The following KLHL8 variants were observed in gnomAD, a reference collection of about 807,000 sequenced individuals.
KLHL8 encodes kelch like family member 8, also known as kelch-like protein 8.
In KLHL8, 38 loss-of-function variants were observed where a neutral mutation model predicts 63.5. The observed-to-expected ratio is 0.60, with a 90% CI of 0.46 to 0.78. KLHL8 has a LOEUF of 0.78. Among genes scored for constraint, KLHL8 ranks in the 30% least tolerant of loss-of-function variants. The pLI is 0.00. For synonymous variants in KLHL8, 224 were observed against 254.3 expected (o/e 0.88, Z 1.13); for missense variants, 566 against 752.4 (o/e 0.75, Z 2.90).
At position 87,170,086 on chromosome 4, in the gene KLHL8, G is replaced by A. The variant is rs749324440; in HGVS notation, c.1530C>T (p.Tyr510=). The change falls in exon 8 of 10, where the codon TAC becomes TAT. Residue 510 remains tyrosine, a synonymous_variant. Transcript: ENST00000273963. ...NGVSKLHGCL[Y]VVGGFDDNSP... ...AAATACCCATTTACTCACCAACTAC[G>A]TATAAGCAACCATGAAGCTTGCTAA... 3.1e-6 allele frequency: 5 copies of A among 1,613,278 alleles called. No homozygotes were observed. The highest frequency in any genetic ancestry group is 1.7e-4 in the Middle Eastern group (1 of 6,058).
At chr4:87,216,354 T>C (rs1732595358) in intron 1 of KLHL8, among the ~76,000 whole-genome samples, 1 of 152,192 alleles carries the variant, frequency 6.6e-6, no homozygotes. Flanking sequence ...TATAACCTGT[T>C]TCTCTTTCCT....
chr4:87,187,534 C>T (rs1377813947), intron 2 of KLHL8, among the ~76,000 whole-genome samples: 1 of 151,162 alleles, frequency 6.6e-6, no homozygotes, highest in Non-Finnish European at 1.5e-5. Context: ...ATATATATTT[C>T]AAACTTCTCT....
At chr4:87,209,859 T>TG (rs1732323488) in intron 1 of KLHL8, among the ~76,000 whole-genome samples, 1 of 149,504 alleles carries the variant, frequency 6.7e-6, no homozygotes, top group Non-Finnish European at 1.5e-5. Context: ...TTTTTTTTTT[T>TG]TTTTTTTTTT....
intron 6 of KLHL8, among the ~76,000 whole-genome samples, chr4:87,174,323 G>C (rs1437127501): frequency 6.6e-6 from 1 of 150,842 alleles, no homozygotes; most frequent in East Asian, 1.9e-4. Flanking sequence ...TTGTCATCCA[G>C]ACTGGAGTGC....
chr4:87,232,291 A>T (rs921511322), intron 1 of KLHL8, among the ~76,000 whole-genome samples: 2 of 152,226 alleles, frequency 1.3e-5, no homozygotes, highest in Non-Finnish European at 2.9e-5. Context: ...TACTGTATGT[A>T]TCTTTCTCCA....
intron 8 of KLHL8, among the ~76,000 whole-genome samples, chr4:87,169,707 G>GA (rs1351711143): frequency 1.3e-5 from 2 of 151,816 alleles, no homozygotes; most frequent in Non-Finnish European, 2.9e-5. Context: ...ACAAAAAACA[G>GA]AAAAAAACTG....
intron 1 of KLHL8, among the ~76,000 whole-genome samples, chr4:87,215,602 T>C (rs1369915500): frequency 6.6e-6 from 1 of 152,220 alleles, no homozygotes; most frequent in Non-Finnish European, 1.5e-5. Flanking sequence ...GGAATGCTAC[T>C]AGTAACTGAT....
chr4:87,236,747 C>T (rs1733238585), intron 1 of KLHL8, among the ~76,000 whole-genome samples: 2 of 142,138 alleles, frequency 1.4e-5, no homozygotes, highest in Non-Finnish European at 3.0e-5. Flanking sequence ...TCACTGCAAA[C>T]TCTACCTCCC....
intron 8 of KLHL8, chr4:87,167,153 T>C: frequency 2.0e-6 from 1 of 501,632 alleles, no homozygotes; most frequent in Non-Finnish European, 3.8e-6. Flanking sequence ...TAAAAGGATT[T>C]GTCGCAGAAG....
chr4:87,217,689 T>C (rs575951581), intron 1 of KLHL8, among the ~76,000 whole-genome samples: 3 of 150,868 alleles, frequency 2.0e-5, no homozygotes, highest in Admixed American at 2.0e-4. Flanking sequence ...AGGTCTCACT[T>C]TGTTGCCCAG....
At chr4:87,234,678 A>G (rs769041693) in intron 1 of KLHL8, among the ~76,000 whole-genome samples, 1 of 152,172 alleles carries the variant, frequency 6.6e-6, no homozygotes, top group East Asian at 1.9e-4. Flanking sequence ...TTTTATTGCT[A>G]TTTTAGAGTA....
intron 1 of KLHL8, among the ~76,000 whole-genome samples, chr4:87,229,439 G>T (rs201240841): frequency 2.1e-4 from 3 of 14,216 alleles, no homozygotes; most frequent in Non-Finnish European, 3.5e-4. Context: ...TTTTTTTGGT[G>T]GGGGGGGGTG....
intron 3 of KLHL8, among the ~76,000 whole-genome samples, chr4:87,184,566 T>A (rs1244364130): frequency 6.6e-6 from 1 of 152,008 alleles, no homozygotes; most frequent in Non-Finnish European, 1.5e-5. Flanking sequence ...AACACTCTTC[T>A]TTTAAGTAGC....
chr4:87,222,852 G>A (rs1305713021), upstream of KLHL8, among the ~76,000 whole-genome samples: 1 of 152,178 alleles, frequency 6.6e-6, no homozygotes, highest in Non-Finnish European at 1.5e-5. Flanking sequence ...CCAAAGTGCT[G>A]GGATTACAGG....
intron 3 of KLHL8, among the ~76,000 whole-genome samples, 198 bp downstream of exon 3, chr4:87,185,053 G>A (rs1265792946): frequency 1.3e-5 from 2 of 152,198 alleles, no homozygotes; most frequent in Non-Finnish European, 2.9e-5. Flanking sequence ...TAATTCAAAT[G>A]TGACAAATTT....
intron 2 of KLHL8, among the ~76,000 whole-genome samples, chr4:87,186,356 A>G (rs1412217617): frequency 1.3e-5 from 2 of 151,784 alleles, no homozygotes; most frequent in Non-Finnish European, 2.9e-5. Flanking sequence ...CCTCTTTTAT[A>G]TATGTATCTG....
intron 1 of KLHL8, among the ~76,000 whole-genome samples, chr4:87,209,191 A>T (rs1417478863): frequency 9.6e-5 from 14 of 145,244 alleles, no homozygotes; most frequent in South Asian, 8.8e-4. Flanking sequence ...GAATTTTTTT[A>T]AAAATATGCC....
intron 1 of KLHL8, among the ~76,000 whole-genome samples, chr4:87,209,834 G>C (rs140872853): frequency 1.1e-4 from 16 of 147,566 alleles, no homozygotes; most frequent in East Asian, 6.0e-4. Flanking sequence ...ATGGCACTTG[G>C]TGTTCCGTTT....
chr4:87,193,080 T>C (rs1361741830), intron 2 of KLHL8, among the ~76,000 whole-genome samples: 2 of 152,194 alleles, frequency 1.3e-5, no homozygotes, highest in Non-Finnish European at 2.9e-5. Context: ...TTAAAAAAAA[T>C]ATTTTTCTTT....
Sources: allele counts gnomAD v4.1 joint callset (sites outside exome capture counted in the v4.1 genomes callset), GRCh38; gene constraint gnomAD v4.1.1; transcripts MANE v1.5; gene names NCBI Gene and HGNC (gene_info 2026-07-23, HGNC 2026-07-21).